PHKB: variants seen among roughly 807,000 people sequenced by gnomAD.
PHKB encodes the protein phosphorylase kinase regulatory subunit beta, also known as phosphorylase b kinase regulatory subunit beta.
In PHKB, 122 loss-of-function variants were observed where a neutral mutation model predicts 152.1. The observed-to-expected ratio is 0.80, with a 90% CI of 0.69 to 0.93. The LOEUF (loss-of-function observed/expected upper bound fraction) is 0.93, where lower values mean the gene tolerates loss of function less well. Ranked by LOEUF, PHKB falls within the 40% of genes least tolerant of loss-of-function variation. The pLI, the probability that PHKB is intolerant of heterozygous loss-of-function variation, is 0.00. For synonymous variants in PHKB, 436 were observed against 464.9 expected, an observed-to-expected ratio of 0.94 and a Z score of 0.80; for missense variants, 1,304 against 1,328.4, an observed-to-expected ratio of 0.98 and a Z score of 0.29.
intron 7 of PHKB, among the ~76,000 whole-genome samples, chr16:47,569,353 A>G (rs769598841): frequency 6.6e-6 from 1 of 152,074 alleles, no homozygotes; most frequent in Admixed American, 6.5e-5. Context: ...ATTCATGTGT[A>G]ATATATTTTT....
At chr16:47,599,016 G>T in intron 13 of PHKB, 3 of 789,662 alleles carry the variant, frequency 3.8e-6, no homozygotes, top group Non-Finnish European at 6.3e-6. Context: ...CAGCGCCAAC[G>T]ATTCGATCAA....
chr16:47,623,557 A>ATTTTTTTT (rs35402802), intron 14 of PHKB, among the ~76,000 whole-genome samples: 48 of 86,264 alleles, frequency 5.6e-4, no homozygotes, highest in African/African-American at 7.8e-4. Context: ...GACAGTTTTG[A>ATTTTTTTT]TTTTTTTTTT....
intron 6 of PHKB, among the ~76,000 whole-genome samples, chr16:47,541,895 A>G (rs1971066390): frequency 6.6e-6 from 1 of 152,128 alleles, no homozygotes; most frequent in Admixed American, 6.5e-5. Flanking sequence ...TCTGGATATT[A>G]GCCCTTTGTC....
rs559715605 is a variant in PHKB at position 47,697,895 on chromosome 16, G to T, written c.3004-553G>T. 7.9e-5 allele frequency among the ~76,000 whole-genome samples: 12 copies of T among 152,316 alleles called. No homozygotes were observed. The South Asian group carries it at 2.5e-3, about 32-fold the overall frequency. On this transcript the variant is annotated intron_variant, in intron 29 of 30. Coordinates refer to ENST00000323584, the MANE Select transcript of PHKB (RefSeq NM_000293.3). Reference sequence around the variant, plus strand: ...CAGACCAAATAGGACTTTTGTCACAGGGGTCAGAGTTAAACATATTTTTTT... The same window carrying T: ...CAGACCAAATAGGACTTTTGTCACATGGGTCAGAGTTAAACATATTTTTTT...
intron 26 of PHKB, among the ~76,000 whole-genome samples, chr16:47,680,291 G>A (rs1282738942): frequency 6.6e-6 from 1 of 152,222 alleles, no homozygotes; most frequent in Non-Finnish European, 1.5e-5. Flanking sequence ...CATAAAATGA[G>A]TTAGGGAGGA....
At chr16:47,647,759 A>T (rs1973160284) in intron 16 of PHKB, among the ~76,000 whole-genome samples, 1 of 152,146 alleles carries the variant, frequency 6.6e-6, no homozygotes, top group East Asian at 1.9e-4. Context: ...GGCTTCCCAA[A>T]GTGCTGGGAT....
At chr16:47,650,507 A>G (rs1973216653) in intron 18 of PHKB, 37 bp from the exon 19 acceptor site, 1 of 1,162,568 alleles carries the variant, frequency 8.6e-7, no homozygotes, top group Non-Finnish European at 1.3e-6. Context: ...CATCTTAGAT[A>G]CTGTGCCATT....
intron 8 of PHKB, among the ~76,000 whole-genome samples, chr16:47,584,541 A>G (rs1392012165): frequency 6.6e-6 from 1 of 152,180 alleles, no homozygotes; most frequent in Non-Finnish European, 1.5e-5. Flanking sequence ...GGCTGCTGGA[A>G]AGAGCTGTTG....
At chr16:47,624,134 TCTC>T (rs1972667574) in intron 14 of PHKB, among the ~76,000 whole-genome samples, 1 of 152,204 alleles carries the variant, frequency 6.6e-6, no homozygotes, top group Admixed American at 6.5e-5. Context: ...ATTTTAATGT[TCTC>T]CTCATTTATT....
intron 20 of PHKB, among the ~76,000 whole-genome samples, chr16:47,651,747 C>T (rs1973241275): frequency 6.6e-6 from 1 of 152,068 alleles, no homozygotes; most frequent in Non-Finnish European, 1.5e-5. Context: ...AAAGAAAGAC[C>T]TACGTAGTAG....
intron 26 of PHKB, among the ~76,000 whole-genome samples, chr16:47,673,641 G>T (rs1477585934): frequency 6.6e-6 from 1 of 152,096 alleles, no homozygotes; most frequent in Non-Finnish European, 1.5e-5. Flanking sequence ...TTCCAGTAAC[G>T]ATCTAAGAGG....
At chr16:47,511,173 A>T (rs1454213102) in intron 4 of PHKB, among the ~76,000 whole-genome samples, 6 of 152,232 alleles carry the variant, frequency 3.9e-5, no homozygotes, top group African/African-American at 4.8e-5. Context: ...AAATGAAAGC[A>T]TGTTAACAGT....
At chr16:47,646,528 A>G (rs1262001537) in intron 16 of PHKB, among the ~76,000 whole-genome samples, 1 of 144,738 alleles carries the variant, frequency 6.9e-6, no homozygotes, top group African/African-American at 2.6e-5. Flanking sequence ...CTTAGAGTAT[A>G]ATAAAAAAAA....
intron 8 of PHKB, among the ~76,000 whole-genome samples, chr16:47,585,771 A>C (rs534985808): frequency 1.8e-4 from 28 of 152,356 alleles, no homozygotes; most frequent in African/African-American, 6.7e-4. Flanking sequence ...TAGACAAATA[A>C]GCCATTTATT....
rs758472394 is a variant in PHKB at position 47,693,487 on chromosome 16, G to C, written c.2875G>C (p.Ala959Pro). 1.2e-6 allele frequency: 2 copies of C among 1,614,044 alleles called. No individual in the cohort carries two copies. The highest frequency in any genetic ancestry group is 1.3e-5 in the African/African-American group (1 of 75,018). ...LERTPNGIIVAGKHLPQQPTL... is the reference protein window; with the variant it reads ...LERTPNGIIVPGKHLPQQPTL... ...GCGCACGCCCAATGGGATCATTGTTGCTGGGAAGCATTTGCCTCAGGTAAA... is the reference window on the plus strand; with the variant it reads ...GCGCACGCCCAATGGGATCATTGTTCCTGGGAAGCATTTGCCTCAGGTAAA... The change falls in exon 28 of 31, where the codon GCT becomes CCT. Residue 959 changes from alanine (A) to proline (P), a missense_variant. Ala to Pro is a conservative substitution (Grantham distance 27). Coordinates refer to ENST00000323584, the MANE Select transcript of PHKB (RefSeq NM_000293.3).
intron 1 of PHKB, among the ~76,000 whole-genome samples, chr16:47,490,447 T>C (rs1266546394): frequency 3.9e-5 from 6 of 152,206 alleles, no homozygotes; most frequent in African/African-American, 1.4e-4. Context: ...CATACAGTTT[T>C]GGAGCAAATA....
At position 47,576,448 on chromosome 16, in the gene PHKB, G is replaced by C. The variant is rs572211438; in HGVS notation, c.711-3847G>C. On this transcript the variant is annotated intron_variant, in intron 7 of 30. Coordinates refer to ENST00000323584, the MANE Select transcript of PHKB (RefSeq NM_000293.3). ...TTCAGCTTACATATTGCTGAATATT[G>C]TTTGCAAATGTGTTTTTAAGGATTT... is the stretch of plus-strand genomic sequence containing the variant. Among the ~76,000 whole-genome samples, 331 of 152,102 alleles carry C rather than the reference G, an allele frequency of 2.2e-3. 5 individuals are homozygous for C. Among genetic ancestry groups the C allele is most frequent in the Non-Finnish European group, 2.4e-4 (16 of 68,008 alleles).
chr16:47,669,220 T>A lies in PHKB; in HGVS notation c.2433T>A (p.Thr811=), dbSNP rs187940556. 6.2e-7 allele frequency: 1 copy of A among 1,613,390 alleles called. No homozygotes were observed. The change falls in exon 26 of 31, where the codon ACT becomes ACA. Residue 811 remains threonine (T), a synonymous_variant. Transcript: ENST00000323584. ...TTFLVHGKQV[T]LGAFGHEEEV... ...TAAAATTCTGCCACTTGTAGGTAAC[T>A]CTGGGTGCCTTTGGGCATGAAGAAG...
At chr16:47,622,108 A>G (rs534699511) in intron 14 of PHKB, among the ~76,000 whole-genome samples, 3 of 152,300 alleles carry the variant, frequency 2.0e-5, no homozygotes, top group East Asian at 1.9e-4. Context: ...AGCAAGATTT[A>G]TGGTCCAGAA....
Sources: allele counts gnomAD v4.1 joint callset (sites outside exome capture counted in the v4.1 genomes callset), GRCh38; gene constraint gnomAD v4.1.1; transcripts MANE v1.5; gene names NCBI Gene and HGNC (gene_info 2026-07-23, HGNC 2026-07-21).